Variants in ETS1 observed in about 807,000 individuals in gnomAD.
The protein encoded by ETS1 is ETS proto-oncogene 1, transcription factor.
ETS1 carries 15 observed loss-of-function variants against 58.6 expected under a neutral mutation model. That is an observed-to-expected ratio of 0.26 (90% CI 0.17 to 0.39). The LOEUF (loss-of-function observed/expected upper bound fraction) is 0.39. Among genes scored for constraint, ETS1 ranks in the 10% least tolerant of loss-of-function variants. ETS1 has a pLI of 1.00. For synonymous variants in ETS1, 214 were observed against 218.2 expected (o/e 0.98, Z 0.17); for missense variants, 417 against 610.5 (o/e 0.68, Z 3.34).
chr11:128,582,105 C>A (rs1373138791), intron 1 of ETS1, among the ~76,000 whole-genome samples: 1 of 152,178 alleles, frequency 6.6e-6, no homozygotes, highest in East Asian at 1.9e-4. Flanking sequence ...AGGGATTGTG[C>A]AATTCCAGTG....
At chr11:128,470,452 T>C (rs6590333) in intron 8 of ETS1, among the ~76,000 whole-genome samples, 138,388 of 152,128 alleles carry the variant, frequency 0.91, 63,023 homozygotes, top group African/African-American at 0.94. Flanking sequence ...CTTTTTCCTT[T>C]CCTAAAATGG....
Position 128,571,562 on chromosome 11 carries a change from T to C in ETS1, c.69+1500A>G, listed in dbSNP as rs12221872. ...AAAAAAACTTCAAACAATTCAGGTC[T>C]TTTAATATACAATTACAGTGAGAGG... On this transcript the variant is annotated intron_variant, in intron 2 of 9. Transcript: ENST00000392668. 7.9e-4 allele frequency among the ~76,000 whole-genome samples: 116 copies of C among 146,900 alleles called. 1 individual carries two copies. In the East Asian group the frequency reaches 0.022, roughly 28 times the overall value.
rs58228263 is a variant in ETS1, at chr11:128,464,355, GACACACACAC to G, written c.1124-738_1124-729del. 0.01 allele frequency among the ~76,000 whole-genome samples: 1,516 copies of G among 144,998 alleles called. 22 individuals carry two copies. Among genetic ancestry groups the G allele is most frequent in the African/African-American group, 0.028 (1,118 of 39,346 alleles). ...CATAGGTTCAGTATATTCTAAATTA[GACACACACAC>G]ACACACACACACACACACACACACA... On this transcript the variant is annotated intron_variant, in intron 8 of 9. Coordinates refer to ENST00000392668, the MANE Select transcript of ETS1 (RefSeq NM_001143820.2). This position sits in a 1 kb window ranked among gnomAD's most constrained non-coding sequence, Gnocchi z 4.1.
At chr11:128,577,831 C>T (rs757665352) in intron 1 of ETS1, among the ~76,000 whole-genome samples, 2 of 151,000 alleles carry the variant, frequency 1.3e-5, no homozygotes, top group South Asian at 2.1e-4. Flanking sequence ...ATGCAATAAA[C>T]GTGTGCAATG....
chr11:128,467,231 C>A (rs1220709370), intron 8 of ETS1, among the ~76,000 whole-genome samples: 2 of 152,196 alleles, frequency 1.3e-5, no homozygotes, highest in African/African-American at 4.8e-5. Flanking sequence ...AATGCATCAC[C>A]CTCACTTCAG....
At chr11:128,551,368 G>A (rs918305662) in intron 3 of ETS1, among the ~76,000 whole-genome samples, 2 of 152,196 alleles carry the variant, frequency 1.3e-5, no homozygotes, top group Non-Finnish European at 2.9e-5. Flanking sequence ...TCTCCCAGCC[G>A]CTAGGCCATA....
chr11:128,567,405 T>G (rs566838751), intron 2 of ETS1, among the ~76,000 whole-genome samples: 1 of 152,204 alleles, frequency 6.6e-6, no homozygotes, highest in Non-Finnish European at 1.5e-5. Context: ...TTCTGTATAG[T>G]GAAAGAAATT....
chr11:128,469,933 G>C (rs200239919), intron 8 of ETS1, among the ~76,000 whole-genome samples: 1 of 152,174 alleles, frequency 6.6e-6, no homozygotes, highest in Non-Finnish European at 1.5e-5. Flanking sequence ...CTCACTCTGT[G>C]TCAGTATATT....
At chr11:128,548,157 A>AAGGG (rs1244619658) in intron 3 of ETS1, among the ~76,000 whole-genome samples, 4 of 70,158 alleles carry the variant, frequency 5.7e-5, no homozygotes, top group Admixed American at 4.5e-4. Context: ...GAAGGGAAGG[A>AAGGG]AAGGAAAAAG....
At chr11:128,585,607 G>T (rs1865017565) in intron 1 of ETS1, among the ~76,000 whole-genome samples, 1 of 152,196 alleles carries the variant, frequency 6.6e-6, no homozygotes, top group Admixed American at 6.5e-5. Context: ...TCCCCTAGGT[G>T]AGAGGACCTG....
intron 1 of ETS1, among the ~76,000 whole-genome samples, chr11:128,586,772 C>T (rs1266039141): frequency 6.6e-6 from 1 of 152,144 alleles, no homozygotes; most frequent in African/African-American, 2.4e-5. Context: ...TGAGGAGTCA[C>T]ATACAAAGTG....
At chr11:128,494,910 G>A (rs1002140716) in intron 3 of ETS1, among the ~76,000 whole-genome samples, 1 of 152,122 alleles carries the variant, frequency 6.6e-6, no homozygotes, top group African/African-American at 2.4e-5. Context: ...CATGACCATT[G>A]AACTGGGCCC....
chr11:128,577,847 A>G (rs2135589419), intron 1 of ETS1, among the ~76,000 whole-genome samples: 1 of 152,270 alleles, frequency 6.6e-6, no homozygotes, highest in South Asian at 2.1e-4. Flanking sequence ...CAATGCTAAG[A>G]AAAAAATTGG....
intron 3 of ETS1, among the ~76,000 whole-genome samples, chr11:128,493,881 G>A (rs1453673677): frequency 6.6e-6 from 1 of 152,134 alleles, no homozygotes; most frequent in Non-Finnish European, 1.5e-5. Flanking sequence ...TCTTCATGTT[G>A]TTTGCAGATT....
At chr11:128,519,273 G>A (rs893788683) in intron 3 of ETS1, among the ~76,000 whole-genome samples, 5 of 151,938 alleles carry the variant, frequency 3.3e-5, no homozygotes, top group African/African-American at 1.2e-4. Context: ...TCCTAGCCAG[G>A]AAAACAAATA....
intron 7 of ETS1, among the ~76,000 whole-genome samples, chr11:128,484,342 A>T (rs527611215): frequency 3.9e-5 from 6 of 152,270 alleles, no homozygotes; most frequent in African/African-American, 1.2e-4. Flanking sequence ...GAGGCTAAAG[A>T]TCCCAGGCTG....
At chr11:128,573,209 A>G in intron 1 of ETS1, 65 bp from the exon 2 acceptor site, 3 of 1,140,824 alleles carry the variant, frequency 2.6e-6, no homozygotes, top group Non-Finnish European at 3.9e-6. Flanking sequence ...AGAATACACA[A>G]GGAAGACACG....
intron 2 of ETS1, among the ~76,000 whole-genome samples, chr11:128,562,113 G>T (rs187929556): frequency 3.9e-5 from 6 of 152,272 alleles, no homozygotes; most frequent in African/African-American, 1.4e-4. Flanking sequence ...TAAGAAAAGG[G>T]TGGTCTTGGC....
rs532012729 is a variant in ETS1 at position 128,517,684 on chromosome 11, C to T, written c.215-27108G>A. Among the ~76,000 whole-genome samples, 3 of 152,304 alleles carry T rather than the reference C, an allele frequency of 2.0e-5. No individual in the cohort carries two copies. The East Asian group carries it at 5.8e-4, about 29-fold the overall frequency. On this transcript the variant is annotated intron_variant, in intron 3 of 9. Coordinates refer to ENST00000392668, the MANE Select transcript of ETS1 (RefSeq NM_001143820.2). ...ACTGTAACCATTGCAGAGTTATCTG[C>T]TGTATTCTGAAACAGGGAGACTCTC... is the stretch of plus-strand genomic sequence containing the variant.
Sources: allele counts gnomAD v4.1 joint callset (sites outside exome capture counted in the v4.1 genomes callset), GRCh38; gene constraint gnomAD v4.1.1; non-coding constraint Gnocchi (gnomAD v3.1); transcripts MANE v1.5; gene names NCBI Gene and HGNC (gene_info 2026-07-23, HGNC 2026-07-21).